The following VGLL4 variants were observed in gnomAD, a reference collection of about 807,000 sequenced individuals.
The protein encoded by VGLL4 is vestigial like family member 4, also known as transcription cofactor vestigial-like protein 4.
In VGLL4, 7 loss-of-function variants were observed where a neutral mutation model predicts 21.0. The observed-to-expected ratio is 0.33, with a 90% CI of 0.19 to 0.63. The LOEUF is 0.63. VGLL4 is among the 20% of genes least tolerant of loss of function. VGLL4 has a pLI of 0.78. For missense variants in VGLL4, 394 were observed against 425.7 expected, an observed-to-expected ratio of 0.93 and a Z score of 0.66; for synonymous variants, 222 against 173.2, an observed-to-expected ratio of 1.28 and a Z score of -2.21.
At chr3:11,589,157 G>A (rs2074425567) in intron 2 of VGLL4, among the ~76,000 whole-genome samples, 1 of 152,190 alleles carries the variant, frequency 6.6e-6, no homozygotes, top group Non-Finnish European at 1.5e-5. Flanking sequence ...CCTGAACCTG[G>A]CAACCAGTAG....
intron 2 of VGLL4, among the ~76,000 whole-genome samples, chr3:11,684,649 G>A (rs1394979989): frequency 6.6e-6 from 1 of 151,934 alleles, no homozygotes; most frequent in Non-Finnish European, 1.5e-5. Context: ...TCAAAGTGCT[G>A]GGATTACAGA....
chr3:11,559,444 G>A lies in VGLL4; in HGVS notation c.507C>T (p.Ser169=), dbSNP rs374816301. The A allele has an allele frequency of 3.2e-5, 50 of 1,565,268 alleles. No individual in the cohort carries two copies. The highest frequency in any genetic ancestry group is 1.1e-4 in the South Asian group (9 of 84,918). Residue 169 remains serine, a synonymous_variant, in exon 4 of 5, where the codon TCC becomes TCT. Coordinates refer to ENST00000430365, the MANE Select transcript of VGLL4 (RefSeq NM_001128219.3). The stretch of plus-strand genomic sequence containing the variant: ...CGCCAGCCGAGGCACAGGTGATCAC[G>A]GAGGGCCGGTTCTGCGGGGAGGAGG... The part of the protein sequence containing the change: ...TPGERQQNRP[S]VITCASAGAR...
At chr3:11,577,992 AG>A (rs1403819485) in intron 2 of VGLL4, among the ~76,000 whole-genome samples, 2 of 152,218 alleles carry the variant, frequency 1.3e-5, no homozygotes, top group Non-Finnish European at 1.5e-5. Flanking sequence ...CATATTTAAG[AG>A]GGTCACACTC....
At chr3:11,571,416 A>T (rs755985701) in intron 2 of VGLL4, among the ~76,000 whole-genome samples, 5 of 152,002 alleles carry the variant, frequency 3.3e-5, no homozygotes, top group East Asian at 1.9e-4. Flanking sequence ...AGGTGCAGTG[A>T]CTCACGCCTG....
At chr3:11,658,651 TCCAGCCGGCA>T (rs2075990721) in intron 2 of VGLL4, among the ~76,000 whole-genome samples, 1 of 151,226 alleles carries the variant, frequency 6.6e-6, no homozygotes, top group African/African-American at 2.4e-5. Flanking sequence ...TTTCCTTTTA[TCCAGCCGGCA>T]TGTGGCACGC....
chr3:11,569,820 A>C (rs2073704489), intron 2 of VGLL4, among the ~76,000 whole-genome samples: 1 of 152,168 alleles, frequency 6.6e-6, no homozygotes, highest in Admixed American at 6.5e-5. Context: ...GGTGGAGGCT[A>C]CAGTGAGCCA....
chr3:11,694,588 C>G (rs983920467), intron 2 of VGLL4, among the ~76,000 whole-genome samples: 4 of 151,644 alleles, frequency 2.6e-5, no homozygotes, highest in South Asian at 2.1e-4. Flanking sequence ...TGCCACTGTA[C>G]TCCAGCCTGG....
At chr3:11,664,989 A>G (rs1163111767) in intron 2 of VGLL4, among the ~76,000 whole-genome samples, 2 of 151,976 alleles carry the variant, frequency 1.3e-5, no homozygotes, top group African/African-American at 4.8e-5. Flanking sequence ...TGCAGCAGCA[A>G]CTACTAGAGA....
At chr3:11,559,667 T>TG (rs570503987) in intron 3 of VGLL4, among the ~76,000 whole-genome samples, 162 of 152,340 alleles carry the variant, frequency 1.1e-3, no homozygotes, top group African/African-American at 3.5e-3. Flanking sequence ...CCCTTGGTCG[T>TG]GGCTGTTTGG....
chr3:11,571,740 TCCATGGACC>T (rs2073784609), intron 2 of VGLL4, among the ~76,000 whole-genome samples: 1 of 152,168 alleles, frequency 6.6e-6, no homozygotes, highest in African/African-American at 2.4e-5. Context: ...AGAAATCAAC[TCCATGGACC>T]CGGCAACACA....
rs181284786 is a variant in VGLL4 at position 11,629,657 on chromosome 3, G to C, written c.82+13780C>G. 2.3e-3 allele frequency among the ~76,000 whole-genome samples: 341 copies of C among 148,302 alleles called. 2 individuals are homozygous for C. The highest frequency in any genetic ancestry group is 3.8e-3 in the Admixed American group (55 of 14,532). On this transcript the variant is annotated intron_variant, in intron 1 of 4. Coordinates refer to ENST00000430365, the MANE Select transcript of VGLL4 (RefSeq NM_001128219.3). ...ACCTACTCGGGAGGCTGAGGTAGGA[G>C]AATCACTTGAACCCGGGAGGCAGAG... is the stretch of plus-strand genomic sequence containing the variant.
At chr3:11,652,890 A>C (rs918417518) in intron 2 of VGLL4, among the ~76,000 whole-genome samples, 4 of 152,192 alleles carry the variant, frequency 2.6e-5, no homozygotes. Context: ...TATTTTAGTG[A>C]TTTTCGCTAC....
rs150679715 is a variant in VGLL4 at position 11,598,309 on chromosome 3, G to A, written c.272+3524C>T. ...CCCAAAGTGCTAGGATTACAGGCAC[G>A]AGCCACCTCGCCCGGCCTCTGCTGC... On this transcript the variant is annotated intron_variant, in intron 2 of 4. Coordinates refer to ENST00000430365, the MANE Select transcript of VGLL4 (RefSeq NM_001128219.3). Among the ~76,000 whole-genome samples, 735 of 152,002 alleles carry A rather than the reference G, an allele frequency of 4.8e-3. 9 individuals are homozygous for A. Among genetic ancestry groups the A allele is most frequent in the African/African-American group, 0.017 (698 of 41,458 alleles).
intron 1 of VGLL4, among the ~76,000 whole-genome samples, chr3:11,630,442 C>T (rs1379158403): frequency 1.3e-5 from 2 of 152,046 alleles, no homozygotes; most frequent in Admixed American, 6.6e-5. Flanking sequence ...GTCAGGACTT[C>T]GAAACCAGCC....
intron 2 of VGLL4, among the ~76,000 whole-genome samples, chr3:11,590,551 G>A (rs2074464220): frequency 6.6e-6 from 1 of 152,188 alleles, no homozygotes; most frequent in African/African-American, 2.4e-5. Context: ...CCAGAACTCA[G>A]ATCCCTTGTC....
At chr3:11,632,494 G>C (rs186873957) in intron 1 of VGLL4, among the ~76,000 whole-genome samples, 96 of 152,194 alleles carry the variant, frequency 6.3e-4, no homozygotes, top group African/African-American at 2.2e-3. Context: ...TCTGACTCTG[G>C]CCATAGTTAA....
At chr3:11,577,516 G>A (rs1029616503) in intron 2 of VGLL4, among the ~76,000 whole-genome samples, 7 of 152,100 alleles carry the variant, frequency 4.6e-5, no homozygotes, top group Non-Finnish European at 2.9e-5. Context: ...TCGCTGGAAC[G>A]TGGGAGGCAG....
chr3:11,676,394 C>CAAA (rs1219773138), intron 2 of VGLL4, among the ~76,000 whole-genome samples: 178 of 54,232 alleles, frequency 3.3e-3, no homozygotes, highest in African/African-American at 0.01. Context: ...GACTCTGTCT[C>CAAA]AAAAAAAAAA....
Position 11,558,347 on chromosome 3 carries a change from T to A in VGLL4, c.*209A>T, listed in dbSNP as rs2072627176. On this transcript the variant is annotated 3_prime_UTR_variant, in exon 5 of 5. Coordinates refer to ENST00000430365, the MANE Select transcript of VGLL4 (RefSeq NM_001128219.3). ...CATTAGACAGATGTTCCACGCGTAG[T>A]TCCTGCTATCATGTTTGAGGGCCCC... 1.1e-5 allele frequency: 8 copies of A among 749,480 alleles called. No individual in the cohort carries two copies. The highest frequency in any genetic ancestry group is 1.7e-5 in the Non-Finnish European group (8 of 476,468). The allele number at this position is 749,480 out of a possible 1,614,324, so 46.4% of individuals were successfully genotyped here.
Sources: gnomAD v4.1 joint callset for allele counts (sites outside exome capture counted in the v4.1 genomes callset) on GRCh38, gnomAD v4.1.1 for gene constraint, MANE v1.5 for transcripts, NCBI Gene and HGNC (gene_info 2026-07-23, HGNC 2026-07-21) for gene names.